The following HIKESHI variants were observed in gnomAD, a reference collection of about 807,000 sequenced individuals.
The protein encoded by HIKESHI is protein Hikeshi.
Under a neutral mutation model 25.7 loss-of-function variants are expected in HIKESHI, and 13 were observed. The observed-to-expected ratio is 0.51, with a 90% CI of 0.33 to 0.80. HIKESHI has a LOEUF of 0.80. Ranked by LOEUF, HIKESHI falls within the 30% of genes least tolerant of loss-of-function variation. The pLI is 0.02. For synonymous variants in HIKESHI, 76 were observed against 78.7 expected, an observed-to-expected ratio of 0.97 and a Z score of 0.18; for missense variants, 174 against 229.5, an observed-to-expected ratio of 0.76 and a Z score of 1.56.
intron 2 of HIKESHI, among the ~76,000 whole-genome samples, chr11:86,309,890 G>C (rs1946787399): frequency 6.6e-6 from 1 of 152,074 alleles, no homozygotes; most frequent in Admixed American, 6.6e-5. Context: ...TAGATGTGTG[G>C]TATTATTTCC....
chr11:86,310,582 A>G (rs188759892), intron 2 of HIKESHI, among the ~76,000 whole-genome samples: 10 of 152,314 alleles, frequency 6.6e-5, no homozygotes, highest in Admixed American at 6.5e-4. Context: ...TGCCCTGGCC[A>G]GAACTTCCAA....
intron 2 of HIKESHI, among the ~76,000 whole-genome samples, chr11:86,316,768 A>ATTCT (rs1946991279): frequency 1.2e-5 from 1 of 83,496 alleles, no homozygotes; most frequent in African/African-American, 4.6e-5. Flanking sequence ...AATCTGAAAC[A>ATTCT]TTCTTTTTTT....
chr11:86,309,010 A>AAT (rs146275516), intron 2 of HIKESHI, among the ~76,000 whole-genome samples: 67,579 of 151,716 alleles, frequency 0.45, 15,723 homozygotes, highest in Admixed American at 0.49. Flanking sequence ...TGCTATTGTG[A>AAT]ATAGTGCCAC....
intron 2 of HIKESHI, among the ~76,000 whole-genome samples, chr11:86,311,538 G>GT (rs554505457): frequency 2.0e-5 from 3 of 152,214 alleles, no homozygotes; most frequent in East Asian, 1.9e-4. Context: ...TTTCTGAAGG[G>GT]TTTTTTCTGT....
At chr11:86,329,116 T>C (rs1947358089) in intron 2 of HIKESHI, among the ~76,000 whole-genome samples, 1 of 151,938 alleles carries the variant, frequency 6.6e-6, no homozygotes, top group Non-Finnish European at 1.5e-5. Flanking sequence ...GATACATTCT[T>C]ATGTTTAGGT....
At chr11:86,343,104 G>T (rs1947778731) in intron 3 of HIKESHI, among the ~76,000 whole-genome samples, 3 of 152,202 alleles carry the variant, frequency 2.0e-5, no homozygotes, top group Admixed American at 1.3e-4. Flanking sequence ...TCTTTCCATT[G>T]AAAATGGTAT....
chr11:86,324,718 G>C (rs1316269368), intron 2 of HIKESHI, among the ~76,000 whole-genome samples: 1 of 152,142 alleles, frequency 6.6e-6, no homozygotes, highest in African/African-American at 2.4e-5. Context: ...GTTTAAGTTT[G>C]ATTATATTGG....
intron 2 of HIKESHI, chr11:86,324,374 T>G: frequency 6.6e-6 from 1 of 152,212 alleles, no homozygotes; most frequent in Admixed American, 6.5e-5. Context: ...TATTCATAGT[T>G]TTATTCATGA....
chr11:86,305,635 C>T lies in HIKESHI; in HGVS notation c.31-610C>T, dbSNP rs543715849. Among the ~76,000 whole-genome samples, 26 of 152,156 alleles carry T rather than the reference C, an allele frequency of 1.7e-4. 1 individual carries two copies. The South Asian group carries it at 4.6e-3, about 27-fold the overall frequency. On this transcript the variant is annotated intron_variant, in intron 1 of 4. Coordinates refer to ENST00000278483, the MANE Select transcript of HIKESHI (RefSeq NM_016401.4). Reference sequence around the variant, plus strand: ...TCCTGACGTCGTGTGATCCTGGCCTCCCAGAGTGCCAGGATTACAGCCGTG... The same window carrying T: ...TCCTGACGTCGTGTGATCCTGGCCTTCCAGAGTGCCAGGATTACAGCCGTG...
chr11:86,335,607 A>G (rs188485105), intron 2 of HIKESHI, among the ~76,000 whole-genome samples: 1 of 152,362 alleles, frequency 6.6e-6, no homozygotes, highest in East Asian at 1.9e-4. Flanking sequence ...CCCAACACGC[A>G]GAGCCCATCT....
At chr11:86,308,824 G>C (rs1946755671) in intron 2 of HIKESHI, among the ~76,000 whole-genome samples, 1 of 151,888 alleles carries the variant, frequency 6.6e-6, no homozygotes, top group Non-Finnish European at 1.5e-5. Context: ...GCAGTGTTTG[G>C]TTTTCTGTCC....
chr11:86,334,434 A>G (rs1275752346), intron 2 of HIKESHI, among the ~76,000 whole-genome samples: 3 of 152,176 alleles, frequency 2.0e-5, no homozygotes, highest in Non-Finnish European at 4.4e-5. Flanking sequence ...AGAGTCTTAA[A>G]AAAAATTAGC....
chr11:86,307,058 TTATGTGTAATATACATCATGTATCAAA>T (rs199595991), intron 2 of HIKESHI, among the ~76,000 whole-genome samples: 58,661 of 109,040 alleles, frequency 0.54, 18,395 homozygotes, highest in East Asian at 0.71. Context: ...CAAATATATA[TTATGTGTAATATACATCATGTATCAAA>T]TATGTGTAAT....
At chr11:86,306,221 T>G (rs753871523) in intron 1 of HIKESHI, 24 bp from the exon 2 acceptor site, 7 of 1,525,750 alleles carry the variant, frequency 4.6e-6, no homozygotes, top group Non-Finnish European at 6.3e-6. Context: ...ACCATTGAAC[T>G]GAGACAAGTT....
chr11:86,327,875 A>G (rs1410348025), intron 2 of HIKESHI, among the ~76,000 whole-genome samples: 1 of 152,210 alleles, frequency 6.6e-6, no homozygotes, highest in Non-Finnish European at 1.5e-5. Context: ...AGAAACTCCT[A>G]GAAGTGGAAC....
intron 2 of HIKESHI, among the ~76,000 whole-genome samples, chr11:86,321,750 G>A (rs1410916172): frequency 6.6e-6 from 1 of 152,032 alleles, no homozygotes; most frequent in Non-Finnish European, 1.5e-5. Context: ...AGCTGGTCTC[G>A]AACTCCTGAC....
chr11:86,316,111 C>G (rs1377050818), intron 2 of HIKESHI, among the ~76,000 whole-genome samples: 1 of 98,612 alleles, frequency 1.0e-5, no homozygotes, highest in Non-Finnish European at 1.9e-5. Context: ...AAGACTGTCT[C>G]CATTAAAAAA....
intron 2 of HIKESHI, among the ~76,000 whole-genome samples, chr11:86,315,873 A>G (rs1256505092): frequency 2.0e-5 from 3 of 152,152 alleles, no homozygotes; most frequent in African/African-American, 7.2e-5. Flanking sequence ...TGTTCTAGAA[A>G]AAAACATATA....
At chr11:86,303,840 A>C (rs556360195) in intron 1 of HIKESHI, among the ~76,000 whole-genome samples, 1 of 152,290 alleles carries the variant, frequency 6.6e-6, no homozygotes, top group African/African-American at 2.4e-5. Context: ...AAAGAGATAC[A>C]CCTTTTCTTA....
Sources: gnomAD v4.1 joint callset for allele counts (sites outside exome capture counted in the v4.1 genomes callset) on GRCh38, gnomAD v4.1.1 for gene constraint, MANE v1.5 for transcripts, NCBI Gene and HGNC (gene_info 2026-07-23, HGNC 2026-07-21) for gene names.